Variants in ZNF519 observed in about 807,000 individuals in gnomAD.
The protein encoded by ZNF519 is similar to Zinc finger protein 85 (Zinc finger protein HPF4) (HTF1).
ZNF519 carries 7 observed loss-of-function variants against 7.4 expected under a neutral mutation model. The ratio of observed to expected loss-of-function variants is 0.94; its 90% CI spans 0.54 to 1.77. ZNF519 has a LOEUF of 1.77. Among genes scored for constraint, ZNF519 ranks in the 40% most tolerant of loss-of-function variants. ZNF519 has a pLI of 0.00. For missense variants in ZNF519, 586 were observed against 623.1 expected (o/e 0.94, Z 0.63); for synonymous variants, 179 against 203.3 (o/e 0.88, Z 1.02).
chr18:14,126,658 C>T (rs909507231), intron 1 of ZNF519, among the ~76,000 whole-genome samples: 2 of 152,190 alleles, frequency 1.3e-5, no homozygotes, highest in African/African-American at 4.8e-5. Flanking sequence ...AAGCAGGTAG[C>T]TTATTGACCA....
intron 2 of ZNF519, among the ~76,000 whole-genome samples, chr18:14,121,518 G>GAT (rs773632930): frequency 7.3e-4 from 111 of 152,184 alleles, no homozygotes; most frequent in Admixed American, 2.0e-3. Context: ...CACAGTCATA[G>GAT]AGTAAGTCCT....
intron 2 of ZNF519, among the ~76,000 whole-genome samples, chr18:14,111,942 C>T (rs536405786): frequency 6.6e-6 from 1 of 152,222 alleles, no homozygotes; most frequent in Non-Finnish European, 1.5e-5. Context: ...TACTCTCATA[C>T]TAAAACCAGA....
intron 2 of ZNF519, among the ~76,000 whole-genome samples, chr18:14,116,838 C>A (rs2046248294): frequency 6.6e-6 from 1 of 152,114 alleles, no homozygotes; most frequent in Non-Finnish European, 1.5e-5. Flanking sequence ...GAAACCCTGT[C>A]TCTACTAAAA....
At chr18:14,128,005 A>G (rs1336194450) in intron 1 of ZNF519, among the ~76,000 whole-genome samples, 1 of 151,622 alleles carries the variant, frequency 6.6e-6, no homozygotes, top group Non-Finnish European at 1.5e-5. Context: ...AAAACTCTCC[A>G]CCAGCCGGGC....
intron 4 of ZNF519, among the ~76,000 whole-genome samples, chr18:14,077,683 G>A (rs1176776458): frequency 6.6e-6 from 1 of 152,162 alleles, no homozygotes; most frequent in Non-Finnish European, 1.5e-5. Context: ...AGGACCCCTG[G>A]AGGGACAGGA....
rs2046172782 is a variant in ZNF519, at chr18:14,103,600, T to C, written c.*1317A>G. 6.6e-6 allele frequency: 1 copy of C among 152,090 alleles called. No individual in the cohort carries two copies. Among genetic ancestry groups the C allele is most frequent in the African/African-American group, 2.4e-5 (1 of 41,432 alleles). The allele number at this position is 152,090 out of a possible 1,614,324, so 9.4% of individuals were successfully genotyped here. A position where few individuals can be genotyped will look rare whatever the true frequency, so the allele number is the denominator to read the frequency against. ...AAACAATTTTAAATTAATAACCTAA[T>C]GTTTGGTAAAAATAGCTAAGGGCTA... On this transcript the variant is annotated 3_prime_UTR_variant, in exon 3 of 3. Transcript: ENST00000590202.
chr18:14,128,687 T>C (rs1400487551), intron 1 of ZNF519, among the ~76,000 whole-genome samples: 1 of 34,746 alleles, frequency 2.9e-5, no homozygotes, highest in African/African-American at 7.5e-5. Context: ...CAATTCTGAG[T>C]CAAACACACA....
At chr18:14,110,821 T>A (rs1314170424) in intron 2 of ZNF519, among the ~76,000 whole-genome samples, 4 of 152,164 alleles carry the variant, frequency 2.6e-5, no homozygotes, top group African/African-American at 9.7e-5. Context: ...TGTATATTCT[T>A]ATAAGTGAGA....
At chr18:14,085,740 T>C (rs149608114) in intron 2 of ZNF519, among the ~76,000 whole-genome samples, 331 of 152,162 alleles carry the variant, frequency 2.2e-3, no homozygotes, top group Non-Finnish European at 3.8e-3. Flanking sequence ...ATCCCAGTGT[T>C]GGGCCCAGCA....
rs2046185919 is a variant in ZNF519 at position 14,105,607 on chromosome 18, C to T, written c.933G>A (p.Gln311=). The T allele has an allele frequency of 3.1e-6, 5 of 1,613,930 alleles. No homozygotes were observed. Among genetic ancestry groups the T allele is most frequent in the Non-Finnish European group, 4.2e-6 (5 of 1,179,950 alleles). The part of the protein sequence containing the change: ...FNKSSHLAQH[Q]RIHTGEKPFK... ...AAGGCTTCTCTCCAGTATGGATTCT[C>T]TGATGTTGAGCAAGGTGTGAACTCT... The change falls in exon 3 of 3, where the codon CAG becomes CAA. Residue 311 remains glutamine, a synonymous_variant. Transcript: ENST00000590202.
At chr18:14,073,410 A>G (rs2046035961), downstream of ZNF519, 1 of 152,154 alleles carries the variant, frequency 6.6e-6, no homozygotes, top group African/African-American at 2.4e-5. Context: ...AGCTGGGACT[A>G]CAGGCACTTG....
intron 3 of ZNF519, among the ~76,000 whole-genome samples, chr18:14,081,886 G>A (rs1331960819): frequency 1.3e-5 from 2 of 152,056 alleles, no homozygotes; most frequent in African/African-American, 4.8e-5. Context: ...AAGGGTAAAT[G>A]TTCTTAAAAT....
chr18:14,115,115 C>T (rs1271538278), intron 2 of ZNF519, among the ~76,000 whole-genome samples: 1 of 152,188 alleles, frequency 6.6e-6, no homozygotes, highest in African/African-American at 2.4e-5. Context: ...ACTTCAGTTG[C>T]TGTAGCTTTA....
chr18:14,072,048 G>A (rs2046030332), downstream of ZNF519: 1 of 152,080 alleles, frequency 6.6e-6, no homozygotes, highest in Non-Finnish European at 1.5e-5. Flanking sequence ...TGCATTTTAA[G>A]GAATCATATT....
At chr18:14,109,530 G>GA (rs1282808990) in intron 2 of ZNF519, among the ~76,000 whole-genome samples, 2 of 151,870 alleles carry the variant, frequency 1.3e-5, no homozygotes, top group African/African-American at 2.4e-5. Context: ...TGACTACAAT[G>GA]AAAAAACCTA....
intron 2 of ZNF519, among the ~76,000 whole-genome samples, chr18:14,111,983 A>G (rs2046223452): frequency 6.6e-6 from 1 of 152,196 alleles, no homozygotes; most frequent in Non-Finnish European, 1.5e-5. Context: ...CTATAGGCCA[A>G]TATCAGCAAT....
chr18:14,111,399 G>A (rs1323583362), intron 2 of ZNF519, among the ~76,000 whole-genome samples: 1 of 151,122 alleles, frequency 6.6e-6, no homozygotes, highest in Non-Finnish European at 1.5e-5. Context: ...CCACCTACTT[G>A]GGAGGCTGAG....
intron 3 of ZNF519, among the ~76,000 whole-genome samples, chr18:14,083,205 C>T (rs756964745): frequency 1.3e-5 from 2 of 151,980 alleles, no homozygotes; most frequent in African/African-American, 2.4e-5. Context: ...CAAAAATCAG[C>T]CGGGCGTGGT....
In ZNF519 at chr18:14,104,184, T is replaced by C. The variant is rs139171555; in HGVS notation, c.*733A>G. Reference sequence around the variant, plus strand: ...GACTTCTAACTTGCTGCTATGAAGATACATTAGAATATTAATGGACTAGCA... The same window carrying C: ...GACTTCTAACTTGCTGCTATGAAGACACATTAGAATATTAATGGACTAGCA... On this transcript the variant is annotated 3_prime_UTR_variant, in exon 3 of 3. Transcript: ENST00000590202. The C allele has an allele frequency of 1.3e-5, 2 of 152,332 alleles. No homozygotes were observed. Among genetic ancestry groups the C allele is most frequent in the East Asian group, 1.9e-4 (1 of 5,192 alleles). 9.4% of individuals were successfully genotyped at this position (152,332 alleles called of 1,614,324 possible). A position where few individuals can be genotyped will look rare whatever the true frequency, so the allele number is the denominator to read the frequency against.
Sources: gnomAD v4.1 joint callset for allele counts (sites outside exome capture counted in the v4.1 genomes callset) on GRCh38, gnomAD v4.1.1 for gene constraint, MANE v1.5 for transcripts, NCBI Gene and HGNC (gene_info 2026-07-23, HGNC 2026-07-21) for gene names.